TP53BP2: variants seen among roughly 807,000 people sequenced by gnomAD.
TP53BP2 encodes apoptosis-stimulating of p53 protein 2.
A neutral mutation model predicts 126.2 loss-of-function variants in TP53BP2; 62 were observed. That is an observed-to-expected ratio of 0.49 (90% CI 0.40 to 0.61). The LOEUF (loss-of-function observed/expected upper bound fraction) is 0.61. Among genes scored for constraint, TP53BP2 ranks in the 20% least tolerant of loss-of-function variants. TP53BP2 has a pLI of 0.00. For synonymous variants in TP53BP2, 485 were observed against 502.9 expected (o/e 0.96, Z 0.48); for missense variants, 1,215 against 1,402.8 (o/e 0.87, Z 2.14).
In TP53BP2 at chr1:223,821,351, T is replaced by C; in HGVS notation, c.44A>G (p.Tyr15Cys). 6.2e-7 allele frequency: 1 copy of C among 1,614,070 alleles called. No homozygotes were observed. Among genetic ancestry groups the C allele is most frequent in the Non-Finnish European group, 8.5e-7 (1 of 1,179,892 alleles). ...SKMMPMFLTV[Y>C]LSNNEQHFTE... ...GAAGTGCTGCTCATTGTTACTGAGA[T>C]ACACGGTAAGAAACATCTAAAAATT... The change falls in exon 2 of 18, where the codon TAT becomes TGT. Residue 15 changes from tyrosine (Y) to cysteine (C), a missense_variant. By Grantham distance (194) the Tyr-to-Cys change is radical. Coordinates refer to ENST00000343537, the MANE Select transcript of TP53BP2 (RefSeq NM_001031685.3).
chr1:223,819,278 T>C (rs1663211733), intron 2 of TP53BP2, among the ~76,000 whole-genome samples: 2 of 151,380 alleles, frequency 1.3e-5, no homozygotes, highest in South Asian at 4.2e-4. Flanking sequence ...GAGGAATAAG[T>C]GGGATCAAAA....
chr1:223,804,914 C>T (rs1662663974), intron 5 of TP53BP2, among the ~76,000 whole-genome samples: 3 of 152,112 alleles, frequency 2.0e-5, no homozygotes, highest in Admixed American at 2.0e-4. Flanking sequence ...TGATATTTTA[C>T]ATAGTATATA....
chr1:223,814,787 T>C (rs1344891951), intron 2 of TP53BP2, among the ~76,000 whole-genome samples: 2 of 152,182 alleles, frequency 1.3e-5, no homozygotes, highest in Non-Finnish European at 2.9e-5. Context: ...TTTTTTTTAA[T>C]TGTAGTTTTC....
chr1:223,835,639 T>C (rs1447618409), intron 1 of TP53BP2, among the ~76,000 whole-genome samples: 1 of 152,134 alleles, frequency 6.6e-6, no homozygotes, highest in Non-Finnish European at 1.5e-5. Flanking sequence ...CCCACTTTGC[T>C]ATGGAAGTAG....
Position 223,798,228 on chromosome 1 carries a change from T to C in TP53BP2, c.1935A>G (p.Pro645=). The C allele has an allele frequency of 6.2e-7, 1 of 1,613,016 alleles. No homozygotes were observed. ...TAAGAACCTTACCACTTGAAAAGTGTGGCCCTCTGGTATGAGTCTTGGTCA... is the reference window on the plus strand; with the variant it reads ...TAAGAACCTTACCACTTGAAAAGTGCGGCCCTCTGGTATGAGTCTTGGTCA... ...SALTKTHTRG[P]HFSSVYGKPV... Residue 645 remains proline (P), a synonymous_variant, in exon 12 of 18, where the codon CCA becomes CCG. Coordinates refer to ENST00000343537, the MANE Select transcript of TP53BP2 (RefSeq NM_001031685.3).
intron 1 of TP53BP2, among the ~76,000 whole-genome samples, chr1:223,831,760 T>TAAA (rs11327599): frequency 1.6e-5 from 2 of 121,600 alleles, no homozygotes; most frequent in Non-Finnish European, 3.9e-5. Context: ...GAAGGAAAGA[T>TAAA]AAAAAAAAAA....
chr1:223,798,404 C>G lies in TP53BP2; in HGVS notation c.1759G>C (p.Ala587Pro). Residue 587 changes from alanine to proline, a missense_variant, in exon 12 of 18, where the codon GCC becomes CCC. By Grantham distance (27) the Ala-to-Pro change is conservative (BLOSUM62 -1). Around this residue, in one of 4 missense-constraint regions of TP53BP2, gnomAD observed 814 missense variants for 853.0 expected, o/e 0.95. Coordinates refer to ENST00000343537, the MANE Select transcript of TP53BP2 (RefSeq NM_001031685.3). ...GSKQESPPAA[A>P]VRPFTPQPSK... ...GGCTGGGGAGTAAAGGGCCGGACGG[C>G]AGCAGCAGGTGGACTTTCTTGCTTA... The G allele has an allele frequency of 6.2e-7, 1 of 1,614,152 alleles. No individual in the cohort carries two copies. Among genetic ancestry groups the G allele is most frequent in the Non-Finnish European group, 8.5e-7 (1 of 1,180,048 alleles).
intron 1 of TP53BP2, among the ~76,000 whole-genome samples, chr1:223,839,624 T>A (rs1330997067): frequency 6.6e-6 from 1 of 152,190 alleles, no homozygotes; most frequent in African/African-American, 2.4e-5. Flanking sequence ...AAGTTATAAA[T>A]CTGTATCCAG....
intron 4 of TP53BP2, 70 bp downstream of exon 4, chr1:223,810,361 G>T: frequency 8.8e-7 from 1 of 1,140,380 alleles, no homozygotes; most frequent in South Asian, 1.9e-5. Context: ...AAGTAATAAT[G>T]AATAAGATTT....
At chr1:223,810,572 C>G in intron 3 of TP53BP2, 59 bp from the exon 4 acceptor site, 1 of 1,201,124 alleles carries the variant, frequency 8.3e-7, no homozygotes, top group African/African-American at 1.5e-5. Flanking sequence ...ATTTTAAGAA[C>G]CAGTTCATTT....
At chr1:223,845,204 T>C in intron 1 of TP53BP2, 1 of 981,456 alleles carries the variant, frequency 1.0e-6, no homozygotes, top group Non-Finnish European at 1.2e-6. Flanking sequence ...GATATCAAGA[T>C]CGAAATTCAA....
At chr1:223,792,920 G>C (rs965294767) in intron 14 of TP53BP2, among the ~76,000 whole-genome samples, 2 of 150,804 alleles carry the variant, frequency 1.3e-5, no homozygotes, top group African/African-American at 4.9e-5. Flanking sequence ...TAAAAGTAGA[G>C]ACCGCATCTC....
chr1:223,837,145 T>TA (rs1184963401), intron 1 of TP53BP2, among the ~76,000 whole-genome samples: 10 of 63,562 alleles, frequency 1.6e-4, no homozygotes, highest in Non-Finnish European at 1.7e-4. Context: ...GTTTTAAAAT[T>TA]AAAAAAAAAA....
At chr1:223,811,601 T>C (rs897242567) in intron 3 of TP53BP2, among the ~76,000 whole-genome samples, 2 of 152,212 alleles carry the variant, frequency 1.3e-5, no homozygotes, top group Non-Finnish European at 2.9e-5. Flanking sequence ...ACTTAACTAG[T>C]TTCTCCTTTG....
At chr1:223,802,432 TTAAAA>T (rs1662560847) in intron 8 of TP53BP2, 88 bp from the exon 9 acceptor site, 1 of 1,327,016 alleles carries the variant, frequency 7.5e-7, no homozygotes, top group Non-Finnish European at 1.0e-6. Context: ...TTCTTACTTT[TTAAAA>T]TGAGCAGTTT....
intron 1 of TP53BP2, among the ~76,000 whole-genome samples, chr1:223,840,851 A>G (rs1160543545): frequency 1.3e-5 from 2 of 152,200 alleles, no homozygotes; most frequent in Non-Finnish European, 2.9e-5. Flanking sequence ...ATTTCTTTTA[A>G]AAAGTCTAAA....
chr1:223,806,842 C>T lies in TP53BP2; in HGVS notation c.474+4G>A, dbSNP rs768281384. On this transcript the variant is annotated splice_donor_region_variant and intron_variant, in intron 5 of 17. Coordinates refer to ENST00000343537, the MANE Select transcript of TP53BP2 (RefSeq NM_001031685.3). The stretch of plus-strand genomic sequence containing the variant: ...TCATCTCCAAAAAAAAAGGACGATA[C>T]TACCTTAGTTGCCAGCAATTGTTGC... The T allele has an allele frequency of 6.2e-7, 1 of 1,612,520 alleles. No individual in the cohort carries two copies. The highest frequency in any genetic ancestry group is 1.1e-5 in the South Asian group (1 of 90,908).
chr1:223,788,146 T>C (rs777473746), intron 16 of TP53BP2, among the ~76,000 whole-genome samples: 4 of 152,142 alleles, frequency 2.6e-5, no homozygotes, highest in Non-Finnish European at 4.4e-5. Flanking sequence ...ACTCCAGGTT[T>C]GTGGTTCTCT....
chr1:223,841,954 C>T (rs1473016539), intron 1 of TP53BP2, among the ~76,000 whole-genome samples: 1 of 150,008 alleles, frequency 6.7e-6, no homozygotes, highest in African/African-American at 2.5e-5. Context: ...GTCCCCCAGG[C>T]TAGAATGCAA....
Sources: allele counts gnomAD v4.1 joint callset (sites outside exome capture counted in the v4.1 genomes callset), GRCh38; gene constraint gnomAD v4.1.1; regional missense constraint gnomAD v4.1.1; transcripts MANE v1.5; gene names NCBI Gene and HGNC (gene_info 2026-07-23, HGNC 2026-07-21).